KATNAL2: variants seen among roughly 807,000 people sequenced by gnomAD.
KATNAL2 encodes katanin p60 ATPase-containing subunit A-like 2.
Under a neutral mutation model 76.3 loss-of-function variants are expected in KATNAL2, and 52 were observed. That is an observed-to-expected ratio of 0.68 (90% CI 0.55 to 0.86). The LOEUF (loss-of-function observed/expected upper bound fraction) is 0.86, where lower values mean the gene tolerates loss of function less well. Ranked by LOEUF, KATNAL2 falls within the 40% of genes least tolerant of loss-of-function variation. The probability of loss-of-function intolerance (pLI) is 0.00; values close to 1 mark genes in which losing one functional copy is unlikely to be tolerated. For missense variants in KATNAL2, 660 were observed against 668.9 expected, an observed-to-expected ratio of 0.99 and a Z score of 0.15; for synonymous variants, 243 against 244.2, an observed-to-expected ratio of 1.00 and a Z score of 0.05.
At chr18:46,918,594 G>GT (rs2058281253) in intron 1 of KATNAL2, among the ~76,000 whole-genome samples, 1 of 152,054 alleles carries the variant, frequency 6.6e-6, no homozygotes, top group Non-Finnish European at 1.5e-5. Context: ...AGCTGCGATT[G>GT]TATTTTTGGT....
chr18:47,057,401 G>A (rs1032212951), intron 6 of KATNAL2, among the ~76,000 whole-genome samples: 1 of 152,180 alleles, frequency 6.6e-6, no homozygotes, highest in African/African-American at 2.4e-5. Context: ...ATCTAATTAT[G>A]AGGATGTAGT....
intron 1 of KATNAL2, among the ~76,000 whole-genome samples, chr18:46,944,201 G>A (rs1312742966): frequency 1.3e-5 from 2 of 152,110 alleles, no homozygotes; most frequent in Non-Finnish European, 2.9e-5. Flanking sequence ...AAAGGTTATA[G>A]TTTCATTGCC....
At chr18:46,946,036 A>G (rs1168331876) in intron 1 of KATNAL2, 21 bp from the exon 2 acceptor site, 1 of 240,182 alleles carries the variant, frequency 4.2e-6, no homozygotes, top group Non-Finnish European at 6.8e-6. Context: ...AACACTTACG[A>G]GAACTTTTTT....
chr18:47,097,634 G>T (rs1383724767), intron 15 of KATNAL2, among the ~76,000 whole-genome samples: 1 of 152,190 alleles, frequency 6.6e-6, no homozygotes, highest in Non-Finnish European at 1.5e-5. Context: ...AGATTAAAAA[G>T]AGGTTTAAGA....
At chr18:47,099,219 G>A in intron 15 of KATNAL2, 24 bp from the exon 16 acceptor site, 1 of 1,594,530 alleles carries the variant, frequency 6.3e-7, no homozygotes, top group Non-Finnish European at 8.6e-7. Flanking sequence ...GCCCTGTCCA[G>A]CTCCATTTCT....
intron 15 of KATNAL2, among the ~76,000 whole-genome samples, chr18:47,088,818 G>A (rs2062882915): frequency 1.3e-5 from 2 of 152,162 alleles, no homozygotes; most frequent in Admixed American, 6.5e-5. Context: ...GAGAATATTT[G>A]TTTTACTGTG....
intron 3 of KATNAL2, chr18:47,032,972 C>G (rs765441099): frequency 6.2e-7 from 1 of 1,613,694 alleles, no homozygotes; most frequent in Non-Finnish European, 8.5e-7. Context: ...AAAAATCCCC[C>G]CAGATTTTAT....
chr18:46,919,061 A>G (rs1197307821), intron 1 of KATNAL2, among the ~76,000 whole-genome samples: 1 of 151,400 alleles, frequency 6.6e-6, no homozygotes, highest in African/African-American at 2.4e-5. Flanking sequence ...ACACACACAT[A>G]TTGTTTTGGC....
At chr18:47,031,786 GT>G (rs1356719697) in intron 3 of KATNAL2, among the ~76,000 whole-genome samples, 3 of 152,106 alleles carry the variant, frequency 2.0e-5, no homozygotes, top group African/African-American at 7.2e-5. Flanking sequence ...ACTTTTTTGA[GT>G]TTTATATGGT....
chr18:47,035,605 C>G (rs1221715239), intron 3 of KATNAL2: 1 of 508,030 alleles, frequency 2.0e-6, no homozygotes, highest in East Asian at 3.8e-5. Context: ...ACTCACGGCT[C>G]TAGCCCTGAC....
At position 47,077,629 on chromosome 18, in the gene KATNAL2, A is replaced by G; in HGVS notation, c.1211+168A>G. Reference sequence around the variant, plus strand: ...GTCCCCAATCCTTGCTGTCTGTACCACGAAAGATCTGCCTTAACAGAGGAA... The same window carrying G: ...GTCCCCAATCCTTGCTGTCTGTACCGCGAAAGATCTGCCTTAACAGAGGAA... On this transcript the variant is annotated intron_variant, in intron 15 of 17. Transcript: ENST00000683218. The G allele has an allele frequency of 6.8e-6, 4 of 585,776 alleles. No homozygotes were observed. The South Asian group carries it at 8.6e-5, about 13-fold the overall frequency. 36.3% of individuals were successfully genotyped at this position (585,776 alleles called of 1,614,324 possible).
At chr18:46,951,965 G>C (rs940727962) in intron 3 of KATNAL2, among the ~76,000 whole-genome samples, 1 of 152,060 alleles carries the variant, frequency 6.6e-6, no homozygotes, top group African/African-American at 2.4e-5. Context: ...TAGACATGGG[G>C]TTTCACCACG....
chr18:47,097,419 AAC>A, intron 15 of KATNAL2, among the ~76,000 whole-genome samples: 1 of 152,302 alleles, frequency 6.6e-6, no homozygotes, highest in African/African-American at 2.4e-5. Context: ...TGAATATGAA[AAC>A]ACATCATCAT....
chr18:46,942,997 A>G (rs1041326532), intron 1 of KATNAL2, among the ~76,000 whole-genome samples: 3 of 152,146 alleles, frequency 2.0e-5, no homozygotes, highest in African/African-American at 7.2e-5. Context: ...TTTGTTTTAA[A>G]CCTTGTCAGG....
At chr18:46,950,308 A>G (rs926011007) in intron 3 of KATNAL2, among the ~76,000 whole-genome samples, 1 of 152,146 alleles carries the variant, frequency 6.6e-6, no homozygotes, top group Non-Finnish European at 1.5e-5. Context: ...CTTGGGGTCT[A>G]TGTGCAAGGA....
intron 14 of KATNAL2, 89 bp from the exon 15 acceptor site, chr18:47,077,262 C>T: frequency 1.0e-6 from 1 of 966,168 alleles, no homozygotes; most frequent in Non-Finnish European, 1.7e-6. Flanking sequence ...AACTGTTCTA[C>T]AGTCACAGGG....
chr18:46,941,715 C>T (rs1320646898), intron 1 of KATNAL2, among the ~76,000 whole-genome samples: 3 of 152,128 alleles, frequency 2.0e-5, no homozygotes, highest in Non-Finnish European at 4.4e-5. Context: ...GTCAATTTTG[C>T]ACACATTAGA....
At chr18:47,077,566 C>G in intron 15 of KATNAL2, 105 bp downstream of exon 15, 1 of 760,240 alleles carries the variant, frequency 1.3e-6, no homozygotes, top group Non-Finnish European at 2.3e-6. Context: ...TGTTTGGCTG[C>G]AGCCCTGGAA....
chr18:47,035,535 CAACAAAGAATGAAG>C (rs2060733347), intron 3 of KATNAL2: 1 of 677,470 alleles, frequency 1.5e-6, no homozygotes, highest in African/African-American at 1.8e-5. Context: ...GTTTGCTGTG[CAACAAAGAATGAAG>C]CTCTGGTGCC....
Sources: allele counts gnomAD v4.1 joint callset (sites outside exome capture counted in the v4.1 genomes callset), GRCh38; gene constraint gnomAD v4.1.1; transcripts MANE v1.5; gene names NCBI Gene and HGNC (gene_info 2026-07-23, HGNC 2026-07-21).